Variants in DIAPH3 observed in about 807,000 individuals in gnomAD.
DIAPH3 encodes diaphanous related formin 3.
In DIAPH3, 117 loss-of-function variants were observed where a neutral mutation model predicts 144.3. That is an observed-to-expected ratio of 0.81 (90% CI 0.70 to 0.95). DIAPH3 has a LOEUF of 0.95. Among genes scored for constraint, DIAPH3 ranks in the 40% least tolerant of loss-of-function variants. DIAPH3 has a pLI of 0.00. For synonymous variants in DIAPH3, 519 were observed against 488.9 expected (o/e 1.06, Z -0.81); for missense variants, 1,421 against 1,412.7 (o/e 1.01, Z -0.09).
chr13:59,709,093 T>C (rs926439082), intron 27 of DIAPH3, among the ~76,000 whole-genome samples: 2 of 152,206 alleles, frequency 1.3e-5, no homozygotes, highest in Admixed American at 6.5e-5. Flanking sequence ...AACAAAATCA[T>C]ACCTGAGAAA....
At chr13:59,964,947 T>C (rs940843876) in intron 17 of DIAPH3, among the ~76,000 whole-genome samples, 4 of 152,324 alleles carry the variant, frequency 2.6e-5, no homozygotes, top group African/African-American at 7.2e-5. Flanking sequence ...TGGCATCATC[T>C]CTTTATTAGC....
At chr13:59,759,480 A>G (rs960647465) in intron 27 of DIAPH3, among the ~76,000 whole-genome samples, 3 of 152,236 alleles carry the variant, frequency 2.0e-5, no homozygotes, top group African/African-American at 7.2e-5. Flanking sequence ...AGAGTTACTG[A>G]CTTGTATTAC....
intron 3 of DIAPH3, among the ~76,000 whole-genome samples, chr13:60,105,103 A>AAAAAAAAAAAAC (rs2058379693): frequency 4.1e-5 from 4 of 97,688 alleles, no homozygotes; most frequent in Admixed American, 1.2e-4. Flanking sequence ...CGATCTCAAA[A>AAAAAAAAAAAAC]AAAAAAAAAA....
chr13:60,031,840 T>C (rs956368475), intron 5 of DIAPH3, among the ~76,000 whole-genome samples: 2 of 138,592 alleles, frequency 1.4e-5, no homozygotes, highest in Admixed American at 1.7e-4. Flanking sequence ...GTCTCCCAGG[T>C]TCAAGCAATT....
intron 20 of DIAPH3, among the ~76,000 whole-genome samples, chr13:59,910,350 G>A (rs2046932627): frequency 6.6e-6 from 1 of 152,074 alleles, no homozygotes. Context: ...GACAGAAAAG[G>A]GGCAGGCGGG....
chr13:60,088,197 G>C (rs2800304), intron 4 of DIAPH3, among the ~76,000 whole-genome samples: 99,204 of 151,850 alleles, frequency 0.65, 33,053 homozygotes, highest in African/African-American at 0.74. Flanking sequence ...AAGACAACTC[G>C]CAAAGCACTG....
intron 25 of DIAPH3, among the ~76,000 whole-genome samples, chr13:59,775,737 T>C (rs1265742348): frequency 6.9e-6 from 1 of 145,752 alleles, no homozygotes; most frequent in Non-Finnish European, 1.5e-5. Flanking sequence ...GAACGTATAG[T>C]TTATCTTCTA....
At chr13:59,852,510 C>T (rs1224874368) in intron 22 of DIAPH3, among the ~76,000 whole-genome samples, 1 of 152,158 alleles carries the variant, frequency 6.6e-6, no homozygotes. Flanking sequence ...CAAAAGAAAT[C>T]TTATGTCAAA....
At chr13:60,093,860 G>T in intron 3 of DIAPH3, 128 bp from the exon 4 acceptor site, 1 of 688,430 alleles carries the variant, frequency 1.5e-6, no homozygotes. Context: ...TGATTTACGT[G>T]TAGTTCTGCC....
chr13:59,804,503 G>T (rs1230478375), intron 25 of DIAPH3, among the ~76,000 whole-genome samples: 3 of 152,276 alleles, frequency 2.0e-5, no homozygotes, highest in Non-Finnish European at 2.9e-5. Flanking sequence ...AGTCTCATGA[G>T]TTTGTTATAA....
intron 4 of DIAPH3, among the ~76,000 whole-genome samples, chr13:60,079,627 T>C (rs574088308): frequency 1.3e-5 from 2 of 151,976 alleles, no homozygotes; most frequent in South Asian, 4.1e-4. Context: ...CAAAAATGGT[T>C]ATCACAGATG....
intron 27 of DIAPH3, among the ~76,000 whole-genome samples, chr13:59,735,510 CA>C (rs1278678047): frequency 6.6e-6 from 1 of 152,036 alleles, no homozygotes; most frequent in Non-Finnish European, 1.5e-5. Context: ...GTATCTTTCA[CA>C]GTACAAACAA....
intron 4 of DIAPH3, among the ~76,000 whole-genome samples, chr13:60,054,927 T>G (rs892267541): frequency 1.1e-4 from 16 of 151,944 alleles, no homozygotes; most frequent in Non-Finnish European, 5.9e-5. Context: ...GATAATTTTA[T>G]GCAAACACAT....
chr13:59,857,830 C>T (rs552122371), intron 22 of DIAPH3, among the ~76,000 whole-genome samples: 35 of 152,226 alleles, frequency 2.3e-4, no homozygotes, highest in Admixed American at 1.3e-3. Context: ...TGCCACTTCC[C>T]ATGGATTTAA....
chr13:59,736,608 G>C (rs112689213), intron 27 of DIAPH3, among the ~76,000 whole-genome samples: 3 of 152,064 alleles, frequency 2.0e-5, no homozygotes, highest in African/African-American at 7.2e-5. Flanking sequence ...TAGATTCAAT[G>C]CTATTCCCAT....
intron 27 of DIAPH3, among the ~76,000 whole-genome samples, chr13:59,744,522 AT>A (rs4054915): frequency 4.0e-5 from 6 of 150,724 alleles, no homozygotes; most frequent in Admixed American, 2.0e-4. Context: ...TTTGTGTGTA[AT>A]TTTTTTTTTA....
At chr13:59,687,633 G>GA (rs1157223024) in intron 27 of DIAPH3, among the ~76,000 whole-genome samples, 1 of 151,928 alleles carries the variant, frequency 6.6e-6, no homozygotes, top group Non-Finnish European at 1.5e-5. Context: ...ATGATATATT[G>GA]AAAAAACTCA....
chr13:59,891,396 C>T lies in DIAPH3; in HGVS notation c.2368-11928G>A, dbSNP rs147252516. ...AAAATTTCAACACTACATAGATGGT[C>T]TAACTAGAAAGCATCATGTTTCCAT... On this transcript the variant is annotated intron_variant, in intron 20 of 27. Transcript: ENST00000400324. Among the ~76,000 whole-genome samples the T allele has an allele frequency of 3.4e-4, 52 of 150,786 alleles. 1 individual carries two copies. Among genetic ancestry groups the T allele is most frequent in the Admixed American group, 2.4e-3 (37 of 15,118 alleles).
intron 22 of DIAPH3, among the ~76,000 whole-genome samples, chr13:59,854,679 T>C (rs1179043335): frequency 6.6e-6 from 1 of 152,156 alleles, no homozygotes; most frequent in Non-Finnish European, 1.5e-5. Flanking sequence ...CAGCCACAAG[T>C]GTAAGAGAGT....
Sources: allele counts gnomAD v4.1 joint callset (sites outside exome capture counted in the v4.1 genomes callset), GRCh38; gene constraint gnomAD v4.1.1; transcripts MANE v1.5; gene names NCBI Gene and HGNC (gene_info 2026-07-23, HGNC 2026-07-21).